Variants in MTMR9 observed in about 807,000 individuals in gnomAD.
MTMR9 encodes myotubularin related protein 9.
In MTMR9, 39 loss-of-function variants were observed where a neutral mutation model predicts 69.5. The ratio of observed to expected loss-of-function variants is 0.56; its 90% CI spans 0.43 to 0.73. MTMR9 has a LOEUF of 0.73. Ranked by LOEUF, MTMR9 falls within the 30% of genes least tolerant of loss-of-function variation. MTMR9 has a pLI of 0.00. For missense variants in MTMR9, 900 were observed against 671.2 expected, an observed-to-expected ratio of 1.34 and a Z score of -3.77; for synonymous variants, 354 against 240.8, an observed-to-expected ratio of 1.47 and a Z score of -4.35.
chr8:11,288,288 C>T (rs953328382), intron 1 of MTMR9, among the ~76,000 whole-genome samples: 7 of 132,808 alleles, frequency 5.3e-5, no homozygotes, highest in Non-Finnish European at 1.1e-4. Context: ...TATAATATAG[C>T]ATATAATATA....
At chr8:11,292,782 A>G (rs1799415130) in intron 1 of MTMR9, among the ~76,000 whole-genome samples, 1 of 152,218 alleles carries the variant, frequency 6.6e-6, no homozygotes, top group African/African-American at 2.4e-5. Flanking sequence ...CCATAAGATT[A>G]TAATGGACCT....
At chr8:11,321,486 TACCAAACCTCCTTGTGGAGCTTAGA>T (rs1222125249) in intron 9 of MTMR9, 5 of 456,354 alleles carry the variant, frequency 1.1e-5, no homozygotes, top group African/African-American at 1.0e-4. Context: ...AATTGCTTTG[TACCAAACCTCCTTGTGGAGCTTAGA>T]GATAAGTGAT....
At chr8:11,338,292 G>C in the MTMR9 span, among the ~76,000 whole-genome samples, 5 of 152,224 alleles carry the variant, frequency 3.3e-5, no homozygotes, top group African/African-American at 4.8e-5. Context: ...ACCAGCTTCT[G>C]TTGTTCTCCG....
intron 6 of MTMR9, among the ~76,000 whole-genome samples, chr8:11,314,498 A>G (rs1251033967): frequency 1.3e-5 from 2 of 152,220 alleles, no homozygotes; most frequent in African/African-American, 4.8e-5. Flanking sequence ...GGTAGAGTCA[A>G]AGTCAGAAAA....
chr8:11,303,666 T>A (rs1322315137), intron 3 of MTMR9, among the ~76,000 whole-genome samples: 1 of 152,106 alleles, frequency 6.6e-6, no homozygotes, highest in Non-Finnish European at 1.5e-5. Context: ...CCTAAGTAGC[T>A]GGAAATACAA....
the MTMR9 span, among the ~76,000 whole-genome samples, chr8:11,337,882 C>T: frequency 1.8e-4 from 27 of 152,284 alleles, no homozygotes; most frequent in South Asian, 5.6e-3. Context: ...TAGTACCTGT[C>T]CTCCTAGGAT....
In MTMR9 at chr8:11,321,695, G is replaced by A. The variant is rs538726051; in HGVS notation, c.1487-930G>A. On this transcript the variant is annotated intron_variant, in intron 9 of 9. Coordinates refer to ENST00000221086, the MANE Select transcript of MTMR9 (RefSeq NM_015458.4). ...TTCGGCCTTAAAATATCTCTCTGCTGTTTACATTTACATCACAGCTAACCA... is the reference window on the plus strand; with the variant it reads ...TTCGGCCTTAAAATATCTCTCTGCTATTTACATTTACATCACAGCTAACCA... The A allele has an allele frequency of 1.3e-5, 4 of 308,922 alleles. No individual in the cohort carries two copies. The East Asian group carries it at 3.2e-4, about 25-fold the overall frequency. The allele number at this position is 308,922 out of a possible 1,614,324, so 19.1% of individuals were successfully genotyped here.
downstream of MTMR9, chr8:11,331,268 G>T: frequency 1.2e-6 from 2 of 1,613,948 alleles, no homozygotes; most frequent in Non-Finnish European, 1.7e-6. Context: ...CTGGCTTCGT[G>T]GGCCCCCTTT....
downstream of MTMR9, chr8:11,330,978 A>C (rs1801194813): frequency 2.1e-6 from 3 of 1,443,724 alleles, no homozygotes; most frequent in Non-Finnish European, 1.8e-6. Flanking sequence ...GCGGGAAAAT[A>C]GGCGTGCTAC....
chr8:11,328,484 A>T (rs928673940), downstream of MTMR9, among the ~76,000 whole-genome samples: 1 of 152,186 alleles, frequency 6.6e-6, no homozygotes, highest in Admixed American at 6.5e-5. Context: ...TATTCTACAT[A>T]TTATTGATTT....
intron 6 of MTMR9, among the ~76,000 whole-genome samples, chr8:11,312,169 C>T (rs996031655): frequency 6.6e-5 from 10 of 152,024 alleles, no homozygotes; most frequent in African/African-American, 2.2e-4. Context: ...CTCAGCCTCC[C>T]AAATAGCCAG....
intron 1 of MTMR9, chr8:11,285,277 G>C (rs1799107078): frequency 1.9e-6 from 1 of 526,756 alleles, no homozygotes; most frequent in African/African-American, 2.0e-5. Flanking sequence ...GAGTTCTCAG[G>C]GTTATCGTGT....
At position 11,326,097 on chromosome 8, in the gene MTMR9, A is replaced by C. The variant is rs1800917716; in HGVS notation, c.*3309A>C. 6.6e-6 allele frequency: 1 copy of C among 152,242 alleles called. No homozygotes were observed. The allele number at this position is 152,242 out of a possible 1,614,324, so 9.4% of individuals were successfully genotyped here. On this transcript the variant is annotated 3_prime_UTR_variant, in exon 10 of 10. Coordinates refer to ENST00000221086, the MANE Select transcript of MTMR9 (RefSeq NM_015458.4). ...TTATGTTAAATAAAAAATCAGTATCATGGAAAAGATATGACCATAATTTAG... is the reference window on the plus strand; with the variant it reads ...TTATGTTAAATAAAAAATCAGTATCCTGGAAAAGATATGACCATAATTTAG...
At chr8:11,291,668 A>C (rs1210118203) in intron 1 of MTMR9, among the ~76,000 whole-genome samples, 1 of 152,018 alleles carries the variant, frequency 6.6e-6, no homozygotes, top group South Asian at 2.1e-4. Context: ...TCCTCTAGTC[A>C]TTCATTATAC....
At chr8:11,292,316 G>A (rs544895166) in intron 1 of MTMR9, among the ~76,000 whole-genome samples, 1 of 152,286 alleles carries the variant, frequency 6.6e-6, no homozygotes, top group Admixed American at 6.5e-5. Context: ...GAATGAACAT[G>A]TGGTTTCTTT....
At chr8:11,308,968 T>A (rs1800078955) in intron 5 of MTMR9, among the ~76,000 whole-genome samples, 1 of 152,210 alleles carries the variant, frequency 6.6e-6, no homozygotes. Flanking sequence ...TACATATACT[T>A]ATATTTTCCT....
downstream of MTMR9, among the ~76,000 whole-genome samples, chr8:11,330,538 G>C (rs1438401627): frequency 6.6e-6 from 1 of 152,246 alleles, no homozygotes; most frequent in East Asian, 1.9e-4. Context: ...GTAGAAAGAA[G>C]TAGACATGGG....
intron 3 of MTMR9, among the ~76,000 whole-genome samples, chr8:11,301,351 C>T (rs1224304945): frequency 2.0e-5 from 3 of 152,094 alleles, no homozygotes; most frequent in Non-Finnish European, 4.4e-5. Context: ...ATAAACCTTC[C>T]CCTTAATGCT....
downstream of MTMR9, among the ~76,000 whole-genome samples, chr8:11,328,657 T>G (rs1243946685): frequency 6.6e-6 from 1 of 152,210 alleles, no homozygotes; most frequent in Non-Finnish European, 1.5e-5. Context: ...TAACAGTGAA[T>G]GGCAAAACTA....
Sources: gnomAD v4.1 joint callset for allele counts (sites outside exome capture counted in the v4.1 genomes callset) on GRCh38, gnomAD v4.1.1 for gene constraint, MANE v1.5 for transcripts, NCBI Gene and HGNC (gene_info 2026-07-23, HGNC 2026-07-21) for gene names.